DIAPH2: variants seen among roughly 807,000 people sequenced by gnomAD.
The protein encoded by DIAPH2 is diaphanous related formin 2.
DIAPH2 carries 35 observed loss-of-function variants against 92.7 expected under a neutral mutation model. The observed-to-expected ratio is 0.38, with a 90% CI of 0.29 to 0.50. The LOEUF (loss-of-function observed/expected upper bound fraction) is 0.50, where lower values mean the gene tolerates loss of function less well. Ranked by LOEUF, DIAPH2 falls within the 20% of genes least tolerant of loss-of-function variation. The probability of loss-of-function intolerance (pLI) is 0.94; values close to 1 mark genes in which losing one functional copy is unlikely to be tolerated. For synonymous variants in DIAPH2, 301 were observed against 280.4 expected (o/e 1.07, Z -0.73); for missense variants, 701 against 819.5 (o/e 0.86, Z 1.77).
At chrX:96,747,931 T>G (rs2064160578) in intron 3 of DIAPH2, among the ~76,000 whole-genome samples, 1 of 111,905 alleles carries the variant, frequency 8.9e-6, no homozygotes, top group Admixed American at 9.5e-5. Context: ...TATCCATAGG[T>G]TATATTTACA....
chrX:97,224,437 A>G (rs568826261), intron 22 of DIAPH2, among the ~76,000 whole-genome samples: 1 of 112,328 alleles, frequency 8.9e-6, no homozygotes, highest in Admixed American at 9.5e-5. Flanking sequence ...TAATCTAACA[A>G]CAAACTCATT....
chrX:97,058,317 C>T (rs1423074794), intron 17 of DIAPH2, among the ~76,000 whole-genome samples: 1 of 111,443 alleles, frequency 9.0e-6, no homozygotes, highest in Non-Finnish European at 1.9e-5. Flanking sequence ...ATATAGTTAT[C>T]TTTCCTACTA....
At chrX:97,409,333 T>G (rs150965881) in intron 25 of DIAPH2, among the ~76,000 whole-genome samples, 2 of 111,672 alleles carry the variant, frequency 1.8e-5, no homozygotes, top group Non-Finnish European at 3.8e-5. Flanking sequence ...GTAAATAACA[T>G]TGTTTGAGGG....
intron 10 of DIAPH2, among the ~76,000 whole-genome samples, chrX:96,936,047 T>C (rs2065655242): frequency 8.9e-6 from 1 of 111,948 alleles, no homozygotes; most frequent in Non-Finnish European, 1.9e-5. Flanking sequence ...AATTTCTTCA[T>C]TCCATTTCAA....
intron 4 of DIAPH2, among the ~76,000 whole-genome samples, chrX:96,780,814 CTTT>C (rs60345216): frequency 1.0e-5 from 1 of 95,254 alleles, no homozygotes; most frequent in Non-Finnish European, 2.1e-5. Flanking sequence ...TCTCCCTGAT[CTTT>C]TTTTTTTTCG....
chrX:97,561,434 A>G (rs2071293641), intron 26 of DIAPH2, among the ~76,000 whole-genome samples: 2 of 112,419 alleles, frequency 1.8e-5, no homozygotes, highest in Non-Finnish European at 3.8e-5. Context: ...TGGCTTTTCT[A>G]AGTAGTTACT....
rs1458218073 is a variant in DIAPH2, at chrX:97,603,626, C to G, written c.*4309C>G. ...GCACTAAGAAGAAACTAAGCTATATCTCTAACACTAGACTTGAAAATTTCC... is the reference window on the plus strand; with the variant it reads ...GCACTAAGAAGAAACTAAGCTATATGTCTAACACTAGACTTGAAAATTTCC... On this transcript the variant is annotated 3_prime_UTR_variant, in exon 27 of 27. Transcript: ENST00000324765. 5.3e-5 allele frequency: 6 copies of G among 112,236 alleles called. No individual in the cohort carries two copies. Among genetic ancestry groups the G allele is most frequent in the Non-Finnish European group, 1.1e-4 (6 of 53,295 alleles). The allele number at this position is 112,236 out of a possible 1,213,427, so 9.2% of individuals were successfully genotyped here. A position where few individuals can be genotyped will look rare whatever the true frequency, so the allele number is the denominator to read the frequency against.
intron 5 of DIAPH2, among the ~76,000 whole-genome samples, chrX:96,899,613 TAAG>T (rs1408452729): frequency 9.0e-6 from 1 of 111,529 alleles, no homozygotes; most frequent in Non-Finnish European, 1.9e-5. Flanking sequence ...CTTATCAGCT[TAAG>T]GAGATTTTGG....
chrX:97,246,991 C>T (rs1358830944), intron 22 of DIAPH2, among the ~76,000 whole-genome samples: 1 of 111,970 alleles, frequency 8.9e-6, no homozygotes, highest in Non-Finnish European at 1.9e-5. Flanking sequence ...GGTCTCCTGA[C>T]AGATCTGAAA....
At chrX:97,337,234 T>C (rs1450205620) in intron 23 of DIAPH2, among the ~76,000 whole-genome samples, 3 of 108,593 alleles carry the variant, frequency 2.8e-5, no homozygotes, top group Non-Finnish European at 5.7e-5. Flanking sequence ...GAAGCAGGGG[T>C]ACTTGATATA....
chrX:97,438,878 C>T (rs1170674753), intron 26 of DIAPH2, among the ~76,000 whole-genome samples: 1 of 111,820 alleles, frequency 8.9e-6, no homozygotes, highest in Non-Finnish European at 1.9e-5. Flanking sequence ...ATTTTACTTT[C>T]AAATATGTGA....
chrX:97,469,259 A>G (rs559842398), intron 26 of DIAPH2, among the ~76,000 whole-genome samples: 2 of 112,221 alleles, frequency 1.8e-5, no homozygotes, highest in Admixed American at 9.4e-5. Context: ...GTTTAATGGA[A>G]TAGACTGTCT....
At chrX:96,863,538 A>T (rs1383892116) in intron 4 of DIAPH2, among the ~76,000 whole-genome samples, 1 of 110,992 alleles carries the variant, frequency 9.0e-6, no homozygotes, top group Non-Finnish European at 1.9e-5. Flanking sequence ...CTTAGGTATA[A>T]TTATCATTAA....
At chrX:97,111,846 G>A (rs1330923016) in intron 20 of DIAPH2, among the ~76,000 whole-genome samples, 1 of 111,943 alleles carries the variant, frequency 8.9e-6, no homozygotes. Flanking sequence ...TTGATTTTGT[G>A]CAAGTTACTT....
intron 17 of DIAPH2, among the ~76,000 whole-genome samples, chrX:97,059,636 A>G (rs2066583269): frequency 8.9e-6 from 1 of 112,623 alleles, no homozygotes; most frequent in Non-Finnish European, 1.9e-5. Flanking sequence ...TACATGTGTT[A>G]CATACTGTAT....
chrX:97,273,736 T>TA (rs1167213051), intron 23 of DIAPH2, among the ~76,000 whole-genome samples: 4 of 112,167 alleles, frequency 3.6e-5, no homozygotes, highest in Non-Finnish European at 7.5e-5. Flanking sequence ...GGAGTCTGTT[T>TA]GACTAATTAG....
chrX:97,014,969 C>T (rs1294478954), intron 17 of DIAPH2, among the ~76,000 whole-genome samples: 1 of 111,422 alleles, frequency 9.0e-6, no homozygotes, highest in Non-Finnish European at 1.9e-5. Flanking sequence ...ACATGTGTAT[C>T]GCTTAGGAAT....
chrX:97,184,621 G>A (rs1906606895), intron 22 of DIAPH2, among the ~76,000 whole-genome samples: 1 of 111,453 alleles, frequency 9.0e-6, no homozygotes, highest in Non-Finnish European at 1.9e-5. Context: ...TGGGGAGATT[G>A]AGTTAAAGCA....
At chrX:97,077,030 G>T (rs142020846) in intron 19 of DIAPH2, among the ~76,000 whole-genome samples, 1 of 111,574 alleles carries the variant, frequency 9.0e-6, no homozygotes, top group Non-Finnish European at 1.9e-5. Context: ...TTGCTTGTGG[G>T]AAGAAAACAG....
Sources: gnomAD v4.1 joint callset for allele counts (sites outside exome capture counted in the v4.1 genomes callset) on GRCh38, gnomAD v4.1.1 for gene constraint, MANE v1.5 for transcripts, NCBI Gene and HGNC (gene_info 2026-07-23, HGNC 2026-07-21) for gene names.